ST6GALNAC3: variants seen among roughly 807,000 people sequenced by gnomAD.
ST6GALNAC3 encodes the protein ST6 N-acetylgalactosaminide alpha-2,6-sialyltransferase 3, also known as alpha-N-acetylgalactosaminide alpha-2,6-sialyltransferase 3.
A neutral mutation model predicts 32.7 loss-of-function variants in ST6GALNAC3; 25 were observed. That is an observed-to-expected ratio of 0.76 (90% CI 0.56 to 1.07). ST6GALNAC3 has a LOEUF of 1.07. Ranked by LOEUF, ST6GALNAC3 falls within the 50% of genes least tolerant of loss-of-function variation. The pLI is 0.00. For missense variants in ST6GALNAC3, 355 were observed against 382.4 expected (o/e 0.93, Z 0.60); for synonymous variants, 129 against 133.1 (o/e 0.97, Z 0.21).
intron 3 of ST6GALNAC3, among the ~76,000 whole-genome samples, chr1:76,559,551 C>T (rs1336961401): frequency 6.6e-6 from 1 of 152,072 alleles, no homozygotes; most frequent in Non-Finnish European, 1.5e-5. Flanking sequence ...AACCTTTGTC[C>T]TTCAAAGGGT....
chr1:76,588,766 C>T (rs1647001844), intron 3 of ST6GALNAC3, among the ~76,000 whole-genome samples: 1 of 152,216 alleles, frequency 6.6e-6, no homozygotes, highest in Non-Finnish European at 1.5e-5. Flanking sequence ...TCTTCTGTGG[C>T]TCCACTCCCA....
At chr1:76,187,774 C>T (rs1311663340) in intron 1 of ST6GALNAC3, among the ~76,000 whole-genome samples, 1 of 152,084 alleles carries the variant, frequency 6.6e-6, no homozygotes, top group Non-Finnish European at 1.5e-5. Context: ...CACACAACCT[C>T]AGAAAACCGT....
At chr1:76,517,394 A>G (rs1341132563) in intron 3 of ST6GALNAC3, among the ~76,000 whole-genome samples, 1 of 151,824 alleles carries the variant, frequency 6.6e-6, no homozygotes, top group Admixed American at 6.6e-5. Context: ...TTTGTCATAT[A>G]GTCAAGCTGA....
chr1:76,533,531 G>A (rs1663399184), intron 3 of ST6GALNAC3, among the ~76,000 whole-genome samples: 1 of 152,016 alleles, frequency 6.6e-6, no homozygotes, highest in Non-Finnish European at 1.5e-5. Flanking sequence ...CCACTCTGAG[G>A]CTTCTGCCTG....
At chr1:76,134,223 CTG>C (rs998672841) in intron 1 of ST6GALNAC3, among the ~76,000 whole-genome samples, 1 of 152,206 alleles carries the variant, frequency 6.6e-6, no homozygotes, top group African/African-American at 2.4e-5. Flanking sequence ...GCATTATACA[CTG>C]TATGTTTATT....
rs955746759 is a variant in ST6GALNAC3, at chr1:76,545,253, C to T, written c.624-82199C>T. Among the ~76,000 whole-genome samples, 7 of 152,198 alleles carry T rather than the reference C, an allele frequency of 4.6e-5. No homozygotes were observed. In the South Asian group the frequency reaches 1.4e-3, roughly 32 times the overall value. On this transcript the variant is annotated intron_variant, in intron 3 of 4. Transcript: ENST00000328299. ...CATTATGACATCCGTTCTGTCCTAT[C>T]CTACATTGCAAAATCTGTGTCTATG...
chr1:76,389,027 T>TTTTTTTTTTG, intron 2 of ST6GALNAC3, among the ~76,000 whole-genome samples: 1 of 149,188 alleles, frequency 6.7e-6, no homozygotes, highest in Non-Finnish European at 1.5e-5. Context: ...TTTTTTTTTT[T>TTTTTTTTTTG]TGAGACAGAG....
chr1:76,159,053 C>G (rs1227416450), intron 1 of ST6GALNAC3, among the ~76,000 whole-genome samples: 2 of 152,160 alleles, frequency 1.3e-5, no homozygotes, highest in Non-Finnish European at 2.9e-5. Context: ...GGCAGTTTCC[C>G]TTTCCCATTT....
chr1:76,281,500 C>G (rs1461132149), intron 1 of ST6GALNAC3, among the ~76,000 whole-genome samples: 1 of 152,174 alleles, frequency 6.6e-6, no homozygotes, highest in Non-Finnish European at 1.5e-5. Context: ...GCCTGCACTC[C>G]TCATCTGCAC....
rs1646922829 is a variant in ST6GALNAC3 at position 76,583,687 on chromosome 1, G to C, written c.624-43765G>C. 2.0e-5 allele frequency among the ~76,000 whole-genome samples: 3 copies of C among 152,256 alleles called. No homozygotes were observed. In the South Asian group the frequency reaches 6.2e-4, roughly 32 times the overall value. ...GAACTCATCTTTACAGGAACTATGT[G>C]CTTAGGACGCTGTGTGATGCAGATA... On this transcript the variant is annotated intron_variant, in intron 3 of 4. Transcript: ENST00000328299.
At chr1:76,599,858 C>A (rs929245717) in intron 3 of ST6GALNAC3, among the ~76,000 whole-genome samples, 3 of 151,906 alleles carry the variant, frequency 2.0e-5, no homozygotes, top group African/African-American at 7.3e-5. Flanking sequence ...ATTATTCACA[C>A]ACAATTTTCA....
chr1:76,270,298 G>A (rs1280507770), intron 1 of ST6GALNAC3, among the ~76,000 whole-genome samples: 2 of 151,976 alleles, frequency 1.3e-5, no homozygotes, highest in Non-Finnish European at 2.9e-5. Context: ...CCTGAGGTCA[G>A]GAGTTCAAGA....
chr1:76,197,011 T>A (rs1654244320), intron 1 of ST6GALNAC3, among the ~76,000 whole-genome samples: 1 of 152,224 alleles, frequency 6.6e-6, no homozygotes, highest in African/African-American at 2.4e-5. Context: ...TTTTCTAGCA[T>A]GTCCTATTTT....
intron 3 of ST6GALNAC3, among the ~76,000 whole-genome samples, chr1:76,528,939 G>A (rs757336673): frequency 8.7e-5 from 13 of 150,122 alleles, no homozygotes; most frequent in Non-Finnish European, 1.9e-4. Context: ...AGTAGAAATA[G>A]CAGTGGGAAA....
intron 2 of ST6GALNAC3, among the ~76,000 whole-genome samples, chr1:76,381,342 G>C (rs1651702113): frequency 6.6e-6 from 1 of 152,130 alleles, no homozygotes; most frequent in Non-Finnish European, 1.5e-5. Flanking sequence ...ACAACATTTG[G>C]AATTTGGAGT....
rs114897198 is a variant in ST6GALNAC3, at chr1:76,139,735, C to T, written c.18+64851C>T. Among the ~76,000 whole-genome samples, 1,371 of 152,282 alleles carry T rather than the reference C, an allele frequency of 9.0e-3. 13 individuals are homozygous for T. The highest frequency in any genetic ancestry group is 0.011 in the Non-Finnish European group (756 of 68,028). On this transcript the variant is annotated intron_variant, in intron 1 of 4. Transcript: ENST00000328299. The stretch of plus-strand genomic sequence containing the variant: ...AAGCACTCAGCTAAGAGTCCAGGGC[C>T]TGGTTTCTAGTTCTGGTTGTGACCC...
At position 76,336,806 on chromosome 1, in the gene ST6GALNAC3, G is replaced by A. The variant is rs150422934; in HGVS notation, c.213+22807G>A. ...GCAAGTGACATGGCCAAGGGCAAAGGGCAAGGCATTGTGAGAGTCTGTTCG... is the reference window on the plus strand; with the variant it reads ...GCAAGTGACATGGCCAAGGGCAAAGAGCAAGGCATTGTGAGAGTCTGTTCG... On this transcript the variant is annotated intron_variant, in intron 2 of 4. Coordinates refer to ENST00000328299, the MANE Select transcript of ST6GALNAC3 (RefSeq NM_152996.4). 3.4e-3 allele frequency among the ~76,000 whole-genome samples: 513 copies of A among 152,240 alleles called. 3 individuals carry two copies. Among genetic ancestry groups the A allele is most frequent in the African/African-American group, 0.012 (499 of 41,532 alleles).
At chr1:76,589,921 G>A (rs2100580051) in intron 3 of ST6GALNAC3, among the ~76,000 whole-genome samples, 1 of 150,114 alleles carries the variant, frequency 6.7e-6, no homozygotes, top group East Asian at 2.0e-4. Context: ...CCTGAGAGGT[G>A]GGAGGAGGGC....
At chr1:76,087,584 TG>T (rs1646981681) in intron 1 of ST6GALNAC3, among the ~76,000 whole-genome samples, 1 of 152,168 alleles carries the variant, frequency 6.6e-6, no homozygotes, top group Non-Finnish European at 1.5e-5. Context: ...TGTACTGTGT[TG>T]GGGCTTTATA....
Sources: allele counts gnomAD v4.1 joint callset (sites outside exome capture counted in the v4.1 genomes callset), GRCh38; gene constraint gnomAD v4.1.1; transcripts MANE v1.5; gene names NCBI Gene and HGNC (gene_info 2026-07-23, HGNC 2026-07-21).